GRAMD1C: variants seen among roughly 807,000 people sequenced by gnomAD.
GRAMD1C encodes the protein GRAM domain containing 1C.
GRAMD1C carries 89 observed loss-of-function variants against 97.8 expected under a neutral mutation model. That is an observed-to-expected ratio of 0.91 (90% CI 0.77 to 1.09). The LOEUF (loss-of-function observed/expected upper bound fraction) is 1.09, where lower values mean the gene tolerates loss of function less well. Ranked by LOEUF, GRAMD1C falls within the 50% of genes least tolerant of loss-of-function variation. The probability of loss-of-function intolerance (pLI) is 0.00; values close to 1 mark genes in which losing one functional copy is unlikely to be tolerated. For synonymous variants in GRAMD1C, 256 were observed against 267.0 expected (o/e 0.96, Z 0.40); for missense variants, 740 against 766.4 (o/e 0.97, Z 0.41).
chr3:113,921,476 C>G (rs1044344321), intron 10 of GRAMD1C, among the ~76,000 whole-genome samples: 1 of 152,162 alleles, frequency 6.6e-6, no homozygotes, highest in Non-Finnish European at 1.5e-5. Context: ...AGTAGATACC[C>G]AGTAATGGGA....
At chr3:113,846,402 G>A (rs531597167) in intron 2 of GRAMD1C, among the ~76,000 whole-genome samples, 1 of 152,200 alleles carries the variant, frequency 6.6e-6, no homozygotes, top group Admixed American at 6.5e-5. Context: ...CACTGTGCCC[G>A]TCCTCTGCAC....
chr3:113,890,054 G>T (rs1198029331), intron 6 of GRAMD1C, among the ~76,000 whole-genome samples: 1 of 125,524 alleles, frequency 8.0e-6, no homozygotes, highest in Non-Finnish European at 1.7e-5. Flanking sequence ...AGCTCTTCAT[G>T]TTGAATGGCC....
chr3:113,940,568 GT>G (rs1275069962), intron 17 of GRAMD1C, among the ~76,000 whole-genome samples: 1 of 152,042 alleles, frequency 6.6e-6, no homozygotes, highest in East Asian at 1.9e-4. Context: ...AATATACACT[GT>G]TGTATATCTT....
chr3:113,875,786 GTATAGT>G (rs938498696), intron 4 of GRAMD1C, 199 bp downstream of exon 4: 1 of 424,374 alleles, frequency 2.4e-6, no homozygotes, highest in African/African-American at 2.0e-5. Context: ...TTGAGCTCCA[GTATAGT>G]TAGAGAAAGA....
intron 2 of GRAMD1C, among the ~76,000 whole-genome samples, chr3:113,856,492 G>C (rs1934132700): frequency 1.3e-5 from 2 of 151,772 alleles, no homozygotes; most frequent in African/African-American, 2.4e-5. Context: ...GTTACCCCCG[G>C]CTAGTCTGTT....
At chr3:113,841,285 C>CTTTTTTTTTTTTTTTTTTTTTTTTTTTTT in intron 1 of GRAMD1C, among the ~76,000 whole-genome samples, 1 of 94,338 alleles carries the variant, frequency 1.1e-5, no homozygotes, top group Non-Finnish European at 2.0e-5. Flanking sequence ...TTCTTTCTTT[C>CTTTTTTTTTTTTTTTTTTTTTTTTTTTTT]TTTTTTTTTT....
intron 17 of GRAMD1C, among the ~76,000 whole-genome samples, chr3:113,942,527 G>T (rs1383386730): frequency 6.6e-6 from 1 of 152,142 alleles, no homozygotes; most frequent in Non-Finnish European, 1.5e-5. Context: ...CCACAGAGAA[G>T]ACTCCTCCAG....
intron 6 of GRAMD1C, among the ~76,000 whole-genome samples, chr3:113,889,058 G>T (rs1935617139): frequency 6.6e-6 from 1 of 152,176 alleles, no homozygotes; most frequent in Admixed American, 6.5e-5. Context: ...AAATTAGCCG[G>T]GCGTGGTGGC....
chr3:113,860,356 A>T (rs956368272), intron 2 of GRAMD1C, among the ~76,000 whole-genome samples: 1 of 152,162 alleles, frequency 6.6e-6, no homozygotes, highest in African/African-American at 2.4e-5. Flanking sequence ...TGAAAACAAT[A>T]AAACTTTATT....
chr3:113,833,416 C>T (rs1251061309), intron 1 of GRAMD1C, among the ~76,000 whole-genome samples: 2 of 152,000 alleles, frequency 1.3e-5, no homozygotes, highest in Non-Finnish European at 2.9e-5. Flanking sequence ...AGATTACAGG[C>T]GTGAGCCACC....
chr3:113,839,103 T>C (rs1709706092), intron 1 of GRAMD1C, among the ~76,000 whole-genome samples, 167 bp downstream of exon 1: 1 of 152,196 alleles, frequency 6.6e-6, no homozygotes. Flanking sequence ...CGGTTTCCTG[T>C]GCCTCTGCGA....
chr3:113,861,349 T>C lies in GRAMD1C; in HGVS notation c.175-8158T>C, dbSNP rs185613906. On this transcript the variant is annotated intron_variant, in intron 2 of 17. Transcript: ENST00000358160. ...GAAAAAATAGATAAATTGGACCTCATTAAAATTAGTGCCATGTTTGGTTGT... is the reference window on the plus strand; with the variant it reads ...GAAAAAATAGATAAATTGGACCTCACTAAAATTAGTGCCATGTTTGGTTGT... 3.1e-3 allele frequency among the ~76,000 whole-genome samples: 471 copies of C among 152,234 alleles called. 5 individuals are homozygous for C. Among genetic ancestry groups the C allele is most frequent in the South Asian group, 8.9e-3 (43 of 4,820 alleles).
chr3:113,898,197 A>G (rs1007593746), intron 6 of GRAMD1C, among the ~76,000 whole-genome samples: 3 of 152,104 alleles, frequency 2.0e-5, no homozygotes, highest in African/African-American at 7.2e-5. Context: ...TGTTGTTAGT[A>G]TTTTACTAAT....
chr3:113,891,237 T>C (rs2107424142), intron 6 of GRAMD1C, among the ~76,000 whole-genome samples: 1 of 152,324 alleles, frequency 6.6e-6, no homozygotes, highest in Admixed American at 6.5e-5. Context: ...AGATGAGATC[T>C]CAGTTTCAAA....
intron 6 of GRAMD1C, among the ~76,000 whole-genome samples, chr3:113,899,652 A>G (rs561685380): frequency 2.0e-5 from 3 of 152,344 alleles, no homozygotes; most frequent in South Asian, 4.1e-4. Context: ...TTAAGCAGGT[A>G]ATTAACTATC....
In GRAMD1C at chr3:113,904,350, A is replaced by G. The variant is rs967229574; in HGVS notation, c.789+78A>G. On this transcript the variant is annotated intron_variant, in intron 8 of 17. Transcript: ENST00000358160. Reference sequence around the variant, plus strand: ...CAGAATACAAGATAAATAAGGATACAGTATACAAAATGTTAAAAATAAGAT... The same window carrying G: ...CAGAATACAAGATAAATAAGGATACGGTATACAAAATGTTAAAAATAAGAT... 7 of 1,020,898 alleles carry G rather than the reference A, an allele frequency of 6.9e-6. No individual in the cohort carries two copies. In the Admixed American group the frequency reaches 1.4e-4, roughly 20 times the overall value. 63.2% of individuals were successfully genotyped at this position (1,020,898 alleles called of 1,614,324 possible). A position where few individuals can be genotyped will look rare whatever the true frequency, so the allele number is the denominator to read the frequency against.
At chr3:113,850,169 A>G (rs1933830947) in intron 2 of GRAMD1C, 3 of 431,002 alleles carry the variant, frequency 7.0e-6, no homozygotes, top group African/African-American at 2.1e-5. Context: ...ATATTTGTCA[A>G]TTGTATATAC....
At chr3:113,894,288 T>G (rs940745141) in intron 6 of GRAMD1C, among the ~76,000 whole-genome samples, 22 of 151,514 alleles carry the variant, frequency 1.5e-4, no homozygotes, top group Middle Eastern at 3.4e-3. Flanking sequence ...GTACTGTTGT[T>G]TTTTTTTTGA....
At chr3:113,911,811 T>C (rs1936607949) in intron 9 of GRAMD1C, among the ~76,000 whole-genome samples, 1 of 151,062 alleles carries the variant, frequency 6.6e-6, no homozygotes, top group South Asian at 2.1e-4. Context: ...CACTGCAACC[T>C]CTGCCTCCCG....
Sources: allele counts gnomAD v4.1 joint callset (sites outside exome capture counted in the v4.1 genomes callset), GRCh38; gene constraint gnomAD v4.1.1; transcripts MANE v1.5; gene names NCBI Gene and HGNC (gene_info 2026-07-23, HGNC 2026-07-21).